SBF2: variants seen among roughly 807,000 people sequenced by gnomAD.
The protein encoded by SBF2 is SET binding factor 2.
In SBF2, 112 loss-of-function variants were observed where a neutral mutation model predicts 225.2. The ratio of observed to expected loss-of-function variants is 0.50; its 90% CI spans 0.43 to 0.58. The LOEUF is 0.58. Among genes scored for constraint, SBF2 ranks in the 20% least tolerant of loss-of-function variants. SBF2 has a pLI of 0.00. For synonymous variants in SBF2, 763 were observed against 773.3 expected, an observed-to-expected ratio of 0.99 and a Z score of 0.22; for missense variants, 1,996 against 2,206.2, an observed-to-expected ratio of 0.90 and a Z score of 1.91.
chr11:10,174,055 TG>T (rs910926984), intron 2 of SBF2, among the ~76,000 whole-genome samples: 1 of 151,050 alleles, frequency 6.6e-6, no homozygotes, highest in Non-Finnish European at 1.5e-5. Context: ...ACCACAAAGA[TG>T]GGGAAAAAAC....
chr11:9,882,258 T>C (rs1160335271), intron 17 of SBF2, among the ~76,000 whole-genome samples: 1 of 152,188 alleles, frequency 6.6e-6, no homozygotes, highest in Non-Finnish European at 1.5e-5. Flanking sequence ...TTTTTAACCT[T>C]GAAAACTCTG....
At chr11:10,145,333 C>A (rs1954836162) in intron 2 of SBF2, among the ~76,000 whole-genome samples, 1 of 152,050 alleles carries the variant, frequency 6.6e-6, no homozygotes, top group African/African-American at 2.4e-5. Flanking sequence ...ATTGCAGGCT[C>A]AGGGATCTAA....
chr11:9,998,554 G>A (rs376608418), intron 8 of SBF2, among the ~76,000 whole-genome samples, 175 bp from the exon 9 acceptor site: 5 of 152,262 alleles, frequency 3.3e-5, no homozygotes, highest in African/African-American at 1.2e-4. Context: ...TATTTCCCAG[G>A]TTCCTTTGAA....
intron 2 of SBF2, among the ~76,000 whole-genome samples, chr11:10,173,186 T>C (rs1956284711): frequency 6.6e-6 from 1 of 152,224 alleles, no homozygotes; most frequent in Non-Finnish European, 1.5e-5. Flanking sequence ...ACAGCTCTGG[T>C]CTACAGCTCC....
At chr11:9,859,647 A>G (rs531107284) in intron 17 of SBF2, among the ~76,000 whole-genome samples, 2 of 152,322 alleles carry the variant, frequency 1.3e-5, no homozygotes, top group Non-Finnish European at 2.9e-5. Flanking sequence ...GACACTGAAG[A>G]TGATTACTAA....
chr11:9,981,620 A>T (rs1946962588), intron 13 of SBF2, among the ~76,000 whole-genome samples: 2 of 152,242 alleles, frequency 1.3e-5, no homozygotes, highest in South Asian at 4.1e-4. Context: ...CTAATGAGAA[A>T]ATGTATAACC....
intron 17 of SBF2, among the ~76,000 whole-genome samples, chr11:9,864,260 A>C (rs891434928): frequency 1.3e-5 from 2 of 152,170 alleles, no homozygotes; most frequent in Admixed American, 6.5e-5. Flanking sequence ...AATGGTCTAT[A>C]ACCCTTCTAG....
chr11:10,150,410 T>C (rs1254118112), intron 2 of SBF2, among the ~76,000 whole-genome samples: 1 of 152,128 alleles, frequency 6.6e-6, no homozygotes, highest in East Asian at 1.9e-4. Context: ...CCTGACCAAA[T>C]GTCAACATAA....
At chr11:10,021,495 A>G (rs183899547) in intron 6 of SBF2, among the ~76,000 whole-genome samples, 254 of 152,330 alleles carry the variant, frequency 1.7e-3, no homozygotes, top group African/African-American at 5.8e-3. Flanking sequence ...GACAGTAAAC[A>G]AGAGATGAAG....
chr11:9,786,902 C>T (rs921126273), intron 36 of SBF2, among the ~76,000 whole-genome samples: 8 of 152,106 alleles, frequency 5.3e-5, no homozygotes, highest in African/African-American at 1.4e-4. Context: ...TATATATATA[C>T]ATTTTTTTGA....
intron 39 of SBF2, 67 bp downstream of exon 39, chr11:9,781,437 CCAT>C (rs1851999068): frequency 1.9e-6 from 3 of 1,594,636 alleles, no homozygotes; most frequent in Non-Finnish European, 2.6e-6. Flanking sequence ...TCTGAGGGCT[CCAT>C]CATTCTTGGA....
intron 1 of SBF2, among the ~76,000 whole-genome samples, chr11:10,224,602 T>C (rs1479504279): frequency 6.6e-6 from 1 of 152,144 alleles, no homozygotes; most frequent in Non-Finnish European, 1.5e-5. Context: ...CATACCAAGT[T>C]CTTTCATACC....
intron 1 of SBF2, among the ~76,000 whole-genome samples, chr11:10,267,642 G>A (rs1027486239): frequency 2.4e-4 from 37 of 151,430 alleles, no homozygotes; most frequent in African/African-American, 8.7e-4. Context: ...GAATATAGAT[G>A]GGATGGAGCT....
intron 2 of SBF2, among the ~76,000 whole-genome samples, chr11:10,161,962 G>C (rs1280373888): frequency 6.6e-6 from 1 of 152,138 alleles, no homozygotes; most frequent in East Asian, 1.9e-4. Flanking sequence ...TCTTGGCTGG[G>C]CAACACAGTG....
chr11:10,182,400 A>G (rs1008800954), intron 2 of SBF2, among the ~76,000 whole-genome samples: 2 of 152,222 alleles, frequency 1.3e-5, no homozygotes, highest in Admixed American at 1.3e-4. Flanking sequence ...ACATAAATAT[A>G]AACATACAGA....
intron 6 of SBF2, among the ~76,000 whole-genome samples, chr11:10,023,894 T>C (rs1948950350): frequency 6.6e-6 from 1 of 152,168 alleles, no homozygotes; most frequent in African/African-American, 2.4e-5. Context: ...TGATACATTT[T>C]GACTTATGTA....
rs202029370 is a variant in SBF2 at position 9,850,233 on chromosome 11, A to AGATTGATT, written c.2611-23_2611-16dup. On this transcript the variant is annotated splice_polypyrimidine_tract_variant and intron_variant, in intron 21 of 39. Coordinates refer to ENST00000256190, the MANE Select transcript of SBF2 (RefSeq NM_030962.4). ...AGAATCTTGGGCTTACAACAGAAAA[A>AGATTGATT]GATTGATTGATTGATTGATTGACTA... is the stretch of plus-strand genomic sequence containing the variant. The AGATTGATT allele has an allele frequency of 6.2e-7, 1 of 1,609,842 alleles. No individual in the cohort carries two copies.
At chr11:10,055,413 A>T (rs1255139630) in intron 2 of SBF2, among the ~76,000 whole-genome samples, 4 of 152,246 alleles carry the variant, frequency 2.6e-5, no homozygotes, top group Non-Finnish European at 5.9e-5. Flanking sequence ...AGAATTCAGT[A>T]TATGAAAAAG....
At chr11:10,005,694 A>G (rs1304810603) in intron 6 of SBF2, among the ~76,000 whole-genome samples, 2 of 152,112 alleles carry the variant, frequency 1.3e-5, no homozygotes, top group African/African-American at 4.8e-5. Context: ...ATTTGGATAC[A>G]TTCCCTAATG....
Sources: allele counts gnomAD v4.1 joint callset (sites outside exome capture counted in the v4.1 genomes callset), GRCh38; gene constraint gnomAD v4.1.1; transcripts MANE v1.5; gene names NCBI Gene and HGNC (gene_info 2026-07-23, HGNC 2026-07-21).